RANBP2: variants seen among roughly 807,000 people sequenced by gnomAD.
RANBP2 encodes the protein E3 SUMO-protein ligase RanBP2.
A neutral mutation model predicts 303.6 loss-of-function variants in RANBP2; 57 were observed. That is an observed-to-expected ratio of 0.19 (90% CI 0.15 to 0.23). The LOEUF (loss-of-function observed/expected upper bound fraction) is 0.23. Among genes scored for constraint, RANBP2 ranks in the 10% least tolerant of loss-of-function variants. The probability of loss-of-function intolerance (pLI) is 1.00; values close to 1 mark genes in which losing one functional copy is unlikely to be tolerated. For missense variants in RANBP2, 3,138 were observed against 3,780.8 expected (o/e 0.83, Z 4.46); for synonymous variants, 1,167 against 1,301.5 (o/e 0.90, Z 2.23).
At chr2:109,528,990 TC>T in the RANBP2 span, among the ~76,000 whole-genome samples, 1 of 152,280 alleles carries the variant, frequency 6.6e-6, no homozygotes, top group East Asian at 1.9e-4. Context: ...ATTCTGGGCC[TC>T]CGACTTCCTC....
the RANBP2 span, among the ~76,000 whole-genome samples, chr2:109,012,276 C>CT: frequency 6.6e-6 from 1 of 152,308 alleles, no homozygotes; most frequent in Non-Finnish European, 1.5e-5. Flanking sequence ...AGCCTGACTG[C>CT]TAGTGGGCCA....
the RANBP2 span, among the ~76,000 whole-genome samples, chr2:109,025,208 G>A: frequency 5.9e-5 from 9 of 152,206 alleles, no homozygotes; most frequent in East Asian, 1.5e-3. Context: ...TTTTAAGGCT[G>A]AATAATATTC....
the RANBP2 span, among the ~76,000 whole-genome samples, chr2:109,194,963 C>T: frequency 6.6e-6 from 1 of 152,024 alleles, no homozygotes; most frequent in Non-Finnish European, 1.5e-5. Context: ...GGGAGGGAAC[C>T]CCAACTCCAG....
chr2:108,907,656 A>C, the RANBP2 span, among the ~76,000 whole-genome samples: 56 of 152,242 alleles, frequency 3.7e-4, no homozygotes, highest in Non-Finnish European at 7.5e-4. Context: ...CTCCAAAAAA[A>C]AAAAACAAAA....
the RANBP2 span, among the ~76,000 whole-genome samples, chr2:109,524,269 C>T: frequency 6.6e-6 from 1 of 152,082 alleles, no homozygotes; most frequent in South Asian, 2.1e-4. Context: ...GTTCTCTGAC[C>T]TCCATCCACT....
chr2:108,919,721 G>A, the RANBP2 span, among the ~76,000 whole-genome samples: 5 of 152,152 alleles, frequency 3.3e-5, no homozygotes, highest in South Asian at 2.1e-4. Flanking sequence ...GTGCCTTCTC[G>A]GGTTTGAACT....
At chr2:109,113,973 C>G in the RANBP2 span, among the ~76,000 whole-genome samples, 4 of 152,188 alleles carry the variant, frequency 2.6e-5, no homozygotes, top group Admixed American at 2.6e-4. Flanking sequence ...CCTTGCATCC[C>G]AGAGATGAAG....
chr2:109,099,442 C>T, the RANBP2 span, among the ~76,000 whole-genome samples: 7 of 152,236 alleles, frequency 4.6e-5, no homozygotes, highest in Admixed American at 2.6e-4. Flanking sequence ...TGGAGCAAGT[C>T]TCTCCAAAGG....
chr2:109,249,233 C>T, the RANBP2 span, among the ~76,000 whole-genome samples: 1 of 152,226 alleles, frequency 6.6e-6, no homozygotes, highest in African/African-American at 2.4e-5. Context: ...GACTCCTACC[C>T]TGTTCTTTCT....
the RANBP2 span, among the ~76,000 whole-genome samples, chr2:109,688,781 TAAAAAAAAA>T: frequency 2.3e-5 from 1 of 43,726 alleles, no homozygotes; most frequent in African/African-American, 8.5e-5. Flanking sequence ...TCTGTCTCAA[TAAAAAAAAA>T]AAAAAAAAAA....
At chr2:108,774,589 C>G (rs925143177) in intron 23 of RANBP2, among the ~76,000 whole-genome samples, 1 of 152,126 alleles carries the variant, frequency 6.6e-6, no homozygotes, top group African/African-American at 2.4e-5. Context: ...AAATGTTGAG[C>G]AGTTTTTACC....
At chr2:109,078,100 A>ATATATATGGCG in the RANBP2 span, among the ~76,000 whole-genome samples, 883 of 69,974 alleles carry the variant, frequency 0.013, 68 homozygotes, top group African/African-American at 0.034. Context: ...ATATATATAT[A>ATATATATGGCG]TATATATATA....
chr2:108,925,711 A>G, the RANBP2 span, among the ~76,000 whole-genome samples: 1 of 152,046 alleles, frequency 6.6e-6, no homozygotes, highest in Non-Finnish European at 1.5e-5. Flanking sequence ...TCCGCCTCCC[A>G]GGTGCAAACA....
chr2:109,172,568 TG>T, the RANBP2 span, among the ~76,000 whole-genome samples: 1 of 152,176 alleles, frequency 6.6e-6, no homozygotes, highest in African/African-American at 2.4e-5. Context: ...CCAAACAGTG[TG>T]GATTATTGGG....
the RANBP2 span, among the ~76,000 whole-genome samples, chr2:109,359,900 C>A: frequency 1.3e-5 from 2 of 152,132 alleles, no homozygotes; most frequent in Admixed American, 1.3e-4. Context: ...GCTGCACATG[C>A]CAATGGCAGG....
chr2:108,868,959 C>T, the RANBP2 span, among the ~76,000 whole-genome samples: 4 of 152,194 alleles, frequency 2.6e-5, no homozygotes, highest in East Asian at 1.9e-4. Context: ...ATTTTCTCTA[C>T]GTTCCCAGCT....
intron 7 of RANBP2, among the ~76,000 whole-genome samples, chr2:108,745,799 A>T (rs1696464507): frequency 6.6e-6 from 1 of 152,156 alleles, no homozygotes; most frequent in African/African-American, 2.4e-5. Flanking sequence ...TGTCCTATTT[A>T]TGCAGGGTCG....
At chr2:109,039,803 C>CT in the RANBP2 span, among the ~76,000 whole-genome samples, 1 of 151,834 alleles carries the variant, frequency 6.6e-6, no homozygotes, top group African/African-American at 2.4e-5. Flanking sequence ...ATGCTTTGAG[C>CT]TTTTTTTCTA....
chr2:108,790,439 G>A (rs1454711065), downstream of RANBP2, among the ~76,000 whole-genome samples: 2 of 152,184 alleles, frequency 1.3e-5, no homozygotes, highest in African/African-American at 4.8e-5. Context: ...CAGCACAGTA[G>A]CAACAGGCCA....
Sources: allele counts gnomAD v4.1 joint callset (sites outside exome capture counted in the v4.1 genomes callset), GRCh38; gene constraint gnomAD v4.1.1; transcripts MANE v1.5; gene names NCBI Gene and HGNC (gene_info 2026-07-23, HGNC 2026-07-21).